The following HEATR3 variants were observed in gnomAD, a reference collection of about 807,000 sequenced individuals.
HEATR3 encodes HEAT repeat containing 3, also known as HEAT repeat-containing protein 3.
In HEATR3, 56 loss-of-function variants were observed where a neutral mutation model predicts 72.8. The observed-to-expected ratio is 0.77, with a 90% CI of 0.62 to 0.96. HEATR3 has a LOEUF of 0.96. Among genes scored for constraint, HEATR3 ranks in the 40% least tolerant of loss-of-function variants. The pLI, the probability that HEATR3 is intolerant of heterozygous loss-of-function variation, is 0.00. For synonymous variants in HEATR3, 331 were observed against 318.1 expected, an observed-to-expected ratio of 1.04 and a Z score of -0.43; for missense variants, 747 against 831.4, an observed-to-expected ratio of 0.90 and a Z score of 1.25.
In HEATR3 at chr16:50,084,605, G is replaced by A. The variant is rs780676409; in HGVS notation, c.1327G>A (p.Val443Ile). 3 of 1,613,138 alleles carry A rather than the reference G, an allele frequency of 1.9e-6. No individual in the cohort carries two copies. The Admixed American group carries it at 5.0e-5, about 27-fold the overall frequency. ...EKTAFPNSIAVDLCSRNPTWK... is the reference protein window; with the variant it reads ...EKTAFPNSIAIDLCSRNPTWK... ...AACTGCCTTTCCAAACAGCATTGCA[G>A]TTGACCTATGTTCTAGGAACCCTAC... The change falls in exon 10 of 15, where the codon GTT (valine) becomes ATT (isoleucine). Residue 443 changes from valine (V) to isoleucine (I), a missense_variant. Val to Ile is a conservative substitution (Grantham distance 29). Coordinates refer to ENST00000299192, the MANE Select transcript of HEATR3 (RefSeq NM_182922.4).
chr16:50,072,010 T>G (rs2150597298), intron 4 of HEATR3, among the ~76,000 whole-genome samples: 1 of 152,378 alleles, frequency 6.6e-6, no homozygotes, highest in Non-Finnish European at 1.5e-5. Context: ...ATAATTGCAC[T>G]CTAAAAGGCT....
Position 50,105,221 on chromosome 16 carries a change from C to T in HEATR3, c.*160C>T, listed in dbSNP as rs912733761. The T allele has an allele frequency of 6.9e-6, 5 of 720,578 alleles. No homozygotes were observed. Among genetic ancestry groups the T allele is most frequent in the Admixed American group, 3.2e-5 (1 of 31,518 alleles). 44.6% of individuals were successfully genotyped at this position (720,578 alleles called of 1,614,324 possible). On this transcript the variant is annotated 3_prime_UTR_variant, in exon 15 of 15. Transcript: ENST00000299192. ...AAACCTGGCCAGGCATGGTGGCTCA[C>T]GCCTATAATCCCAGCACCTTGGGAG...
Position 50,083,925 on chromosome 16 carries a change from T to G in HEATR3, c.1042-12T>G, listed in dbSNP as rs1168811775. 1 of 1,583,708 alleles carries G rather than the reference T, an allele frequency of 6.3e-7. No homozygotes were observed. The highest frequency in any genetic ancestry group is 1.9e-5 in the Admixed American group (1 of 52,754). ...TGAGAGTTGGTCATTTACTTTTTTT[T>G]TTTTTTTTAAGCCCACTGACAAGGA... On this transcript the variant is annotated splice_polypyrimidine_tract_variant and intron_variant, in intron 7 of 14. Transcript: ENST00000299192.
chr16:50,100,216 T>A lies in HEATR3; in HGVS notation c.1600-14T>A. 6.2e-7 allele frequency: 1 copy of A among 1,607,378 alleles called. No homozygotes were observed. Among genetic ancestry groups the A allele is most frequent in the Non-Finnish European group, 8.5e-7 (1 of 1,177,104 alleles). On this transcript the variant is annotated splice_polypyrimidine_tract_variant and intron_variant, in intron 12 of 14. Coordinates refer to ENST00000299192, the MANE Select transcript of HEATR3 (RefSeq NM_182922.4). ...GTTTAACATTATAAATACTGTCCTC[T>A]TCTCTTTTAACAGTGCATGACTCCT...
Position 50,106,465 on chromosome 16 carries a change from G to A in HEATR3, c.*1404G>A, listed in dbSNP as rs1597189738. 1 of 152,114 alleles carries A rather than the reference G, an allele frequency of 6.6e-6. No individual in the cohort carries two copies. The allele number at this position is 152,114 out of a possible 1,614,324, so 9.4% of individuals were successfully genotyped here. A position where few individuals can be genotyped will look rare whatever the true frequency, so the allele number is the denominator to read the frequency against. On this transcript the variant is annotated 3_prime_UTR_variant, in exon 15 of 15. Coordinates refer to ENST00000299192, the MANE Select transcript of HEATR3 (RefSeq NM_182922.4). ...AGAAAATGAGATGATACTATTCGTGGATATTTGTTTGCTAATGCATATTGC... is the reference window on the plus strand; with the variant it reads ...AGAAAATGAGATGATACTATTCGTGAATATTTGTTTGCTAATGCATATTGC...
At chr16:50,100,177 A>G in intron 12 of HEATR3, 53 bp from the exon 13 acceptor site, 2 of 1,556,914 alleles carry the variant, frequency 1.3e-6, no homozygotes, top group Non-Finnish European at 1.7e-6. Flanking sequence ...TCACATGCTG[A>G]TAGAATTAAT....
chr16:50,104,069 G>T (rs765260352), intron 14 of HEATR3, among the ~76,000 whole-genome samples: 6 of 151,722 alleles, frequency 4.0e-5, no homozygotes, highest in Non-Finnish European at 7.4e-5. Flanking sequence ...CAAAACCAGC[G>T]CTGGGCATGG....
rs1176559536 is a variant in HEATR3 at position 50,071,242 on chromosome 16, G to C, written c.512+952G>C. On this transcript the variant is annotated intron_variant, in intron 4 of 14. Transcript: ENST00000299192. Reference sequence around the variant, plus strand: ...TGTCACAGTTTCTTATCTTCAGTCAGCAGCAATTACAGTGGCTGACCTAAA... The same window carrying C: ...TGTCACAGTTTCTTATCTTCAGTCACCAGCAATTACAGTGGCTGACCTAAA... Among the ~76,000 whole-genome samples, 3 of 152,348 alleles carry C rather than the reference G, an allele frequency of 2.0e-5. No homozygotes were observed. In the East Asian group the frequency reaches 5.8e-4, roughly 29 times the overall value.
chr16:50,082,782 A>AT (rs1209402453), intron 7 of HEATR3, among the ~76,000 whole-genome samples: 1 of 149,570 alleles, frequency 6.7e-6, no homozygotes, highest in African/African-American at 2.4e-5. Flanking sequence ...AAGCAGGTAA[A>AT]TTTTTTTTCT....
intron 14 of HEATR3, among the ~76,000 whole-genome samples, chr16:50,103,724 A>G (rs2037417794): frequency 6.6e-6 from 1 of 152,148 alleles, no homozygotes; most frequent in Non-Finnish European, 1.5e-5. Context: ...GATTCCATAC[A>G]ATTGATATAA....
intron 4 of HEATR3, among the ~76,000 whole-genome samples, chr16:50,071,121 G>A (rs1197064671): frequency 6.6e-6 from 1 of 152,196 alleles, no homozygotes; most frequent in Non-Finnish European, 1.5e-5. Flanking sequence ...GGTGAGGGTG[G>A]AGTGGACTTG....
rs2036987178 is a variant in HEATR3 at position 50,086,319 on chromosome 16, A to G, written c.1478A>G (p.Gln493Arg). The G allele has an allele frequency of 6.3e-7, 1 of 1,598,828 alleles. No homozygotes were observed. Among genetic ancestry groups the G allele is most frequent in the African/African-American group, 1.3e-5 (1 of 74,752 alleles). The change falls in exon 11 of 15, where the codon CAG becomes CGG. Residue 493 changes from glutamine to arginine, a missense_variant. Physicochemically the swap from Gln to Arg is conservative, Grantham distance 43 (BLOSUM62 1). Transcript: ENST00000299192. ...GGAAALQTLA[Q>R]HLSQLLFSQP... ...GCCGCAGCCCTTCAGACGCTTGCACAGCATCTGTCACAGCTGCTTTTTTCT... is the reference window on the plus strand; with the variant it reads ...GCCGCAGCCCTTCAGACGCTTGCACGGCATCTGTCACAGCTGCTTTTTTCT...
In HEATR3 at chr16:50,099,275, T is replaced by C. The variant is rs559032197; in HGVS notation, c.1600-955T>C. Among the ~76,000 whole-genome samples, 25 of 152,226 alleles carry C rather than the reference T, an allele frequency of 1.6e-4. No homozygotes were observed. The South Asian group carries it at 4.8e-3, about 29-fold the overall frequency. ...CCCCTGGTATGTAAGCAGCAGCTTATGGGATCAGTGTGATGGTTAAGGAAA... is the reference window on the plus strand; with the variant it reads ...CCCCTGGTATGTAAGCAGCAGCTTACGGGATCAGTGTGATGGTTAAGGAAA... On this transcript the variant is annotated intron_variant, in intron 12 of 14. Coordinates refer to ENST00000299192, the MANE Select transcript of HEATR3 (RefSeq NM_182922.4).
In HEATR3 at chr16:50,078,971, C is replaced by G; in HGVS notation, c.994C>G (p.His332Asp). ...IEDDEMEGIS[H>D]KRRVRRKTFV... ...AGATGATGAAATGGAAGGAATTTCT[C>G]ATAAAAGAAGAGTCAGAAGGAAAAC... The change falls in exon 7 of 15, where the codon CAT (histidine) becomes GAT (aspartate). Residue 332 changes from histidine (H) to aspartate (D), a missense_variant. Coordinates refer to ENST00000299192, the MANE Select transcript of HEATR3 (RefSeq NM_182922.4). 2 of 1,613,684 alleles carry G rather than the reference C, an allele frequency of 1.2e-6. No homozygotes were observed. Among genetic ancestry groups the G allele is most frequent in the Non-Finnish European group, 1.7e-6 (2 of 1,179,930 alleles).
rs1392859014 is a variant in HEATR3 at position 50,078,722 on chromosome 16, A to G, written c.764-19A>G. The G allele has an allele frequency of 2.5e-6, 4 of 1,600,622 alleles. No homozygotes were observed. Among genetic ancestry groups the G allele is most frequent in the Non-Finnish European group, 2.6e-6 (3 of 1,174,140 alleles). On this transcript the variant is annotated intron_variant, in intron 6 of 14. Transcript: ENST00000299192. ...TATTTCACAGGCATTTCTTATCCTT[A>G]TGCTTGTTTTTTTCCCAGGCACAAT...
At chr16:50,104,364 A>T (rs2150632813) in intron 14 of HEATR3, among the ~76,000 whole-genome samples, 2 of 152,168 alleles carry the variant, frequency 1.3e-5, no homozygotes. Flanking sequence ...AAAACAAAAA[A>T]ACCACAACAC....
chr16:50,104,788 C>A (rs2037445120), intron 14 of HEATR3, 151 bp from the exon 15 acceptor site: 1 of 583,164 alleles, frequency 1.7e-6, no homozygotes, highest in Non-Finnish European at 2.8e-6. Flanking sequence ...TTACCGAGTT[C>A]CATTTACCTT....
rs2037475915 is a variant in HEATR3 at position 50,105,821 on chromosome 16, C to G, written c.*760C>G. Reference sequence around the variant, plus strand: ...CCTGACCTCAAGTGATCCGCCTGCCCTGGCCTCCCAAAGTGCTGGGATTAC... The same window carrying G: ...CCTGACCTCAAGTGATCCGCCTGCCGTGGCCTCCCAAAGTGCTGGGATTAC... On this transcript the variant is annotated 3_prime_UTR_variant, in exon 15 of 15. Coordinates refer to ENST00000299192, the MANE Select transcript of HEATR3 (RefSeq NM_182922.4). 1 of 151,976 alleles carries G rather than the reference C, an allele frequency of 6.6e-6. No homozygotes were observed. Among genetic ancestry groups the G allele is most frequent in the African/African-American group, 2.4e-5 (1 of 41,356 alleles). 9.4% of individuals were successfully genotyped at this position (151,976 alleles called of 1,614,324 possible). A position where few individuals can be genotyped will look rare whatever the true frequency, so the allele number is the denominator to read the frequency against.
rs1008737149 is a variant in HEATR3, at chr16:50,065,989, T to TGC, written c.-140_-139dup. ...CCCGGCAGACGACGCGCCGTGCGCCTGCGCACGGCTTGCCCATGTGTGCTG... is the reference window on the plus strand; with the variant it reads ...CCCGGCAGACGACGCGCCGTGCGCCTGCGCGCACGGCTTGCCCATGTGTGCTG... On this transcript the variant is annotated 5_prime_UTR_variant, in exon 1 of 15. Transcript: ENST00000299192. The TGC allele has an allele frequency of 8.8e-5, 25 of 284,810 alleles. No individual in the cohort carries two copies. Among genetic ancestry groups the TGC allele is most frequent in the African/African-American group, 7.3e-4 (23 of 31,702 alleles). The allele number at this position is 284,810 out of a possible 1,614,324, so 17.6% of individuals were successfully genotyped here. A position where few individuals can be genotyped will look rare whatever the true frequency, so the allele number is the denominator to read the frequency against.
Sources: allele counts gnomAD v4.1 joint callset (sites outside exome capture counted in the v4.1 genomes callset), GRCh38; gene constraint gnomAD v4.1.1; transcripts MANE v1.5; gene names NCBI Gene and HGNC (gene_info 2026-07-23, HGNC 2026-07-21).